The following C6 variants were observed in gnomAD, a reference collection of about 807,000 sequenced individuals.
C6 encodes complement component C6.
A neutral mutation model predicts 112.9 loss-of-function variants in C6; 101 were observed. The ratio of observed to expected loss-of-function variants is 0.89; its 90% confidence interval spans 0.76 to 1.06. C6 has a LOEUF of 1.06. C6 is among the 50% of genes least tolerant of loss of function. C6 has a pLI of 0.00. For missense variants in C6, 1,202 were observed against 1,104.6 expected, an observed-to-expected ratio of 1.09 and a Z score of -1.25; for synonymous variants, 431 against 384.1, an observed-to-expected ratio of 1.12 and a Z score of -1.43.
At chr5:41,173,623 A>G (rs1255531644) in intron 8 of C6, among the ~76,000 whole-genome samples, 1 of 152,142 alleles carries the variant, frequency 6.6e-6, no homozygotes, top group Non-Finnish European at 1.5e-5. Flanking sequence ...AGGTTATCAA[A>G]TACTAGTATT....
rs567719688 is a variant in C6 at position 41,173,785 on chromosome 5, A to G, written c.1169-1438T>C. ...GGGCCTGTCTACCTCATTTTTTGTG[A>G]CAGTTTTGAAGAGATGCATTGTTAT... On this transcript the variant is annotated intron_variant, in intron 8 of 17. Transcript: ENST00000337836. 2.8e-3 allele frequency among the ~76,000 whole-genome samples: 426 copies of G among 152,164 alleles called. 3 individuals are homozygous for G. Among genetic ancestry groups the G allele is most frequent in the African/African-American group, 9.8e-3 (408 of 41,542 alleles).
Position 41,181,610 on chromosome 5 carries a change from G to A in C6, c.727-51C>T, listed in dbSNP as rs562942744. The A allele has an allele frequency of 1.6e-3, 2,278 of 1,388,944 alleles. 53 individuals are homozygous for A. The South Asian group carries it at 0.025, about 16-fold the overall frequency. 86.0% of individuals were successfully genotyped at this position (1,388,944 alleles called of 1,614,324 possible). On this transcript the variant is annotated intron_variant, in intron 6 of 17. Transcript: ENST00000337836. ...AATATAATTTAGGAAATACTGGAGCGACTTGTGGATATCTAATGAAATGAT... is the reference window on the plus strand; with the variant it reads ...AATATAATTTAGGAAATACTGGAGCAACTTGTGGATATCTAATGAAATGAT...
At chr5:41,154,104 T>A (rs1746671759) in intron 14 of C6, 106 bp from the exon 15 acceptor site, 1 of 921,468 alleles carries the variant, frequency 1.1e-6, no homozygotes, top group South Asian at 1.4e-5. Flanking sequence ...ATTTACTGCA[T>A]CTGTTCAGCT....
chr5:41,168,460 C>T (rs1748157403), intron 9 of C6, among the ~76,000 whole-genome samples: 1 of 152,064 alleles, frequency 6.6e-6, no homozygotes, highest in Non-Finnish European at 1.5e-5. Context: ...CAGAAAAATG[C>T]CCAGGAAAGC....
At chr5:41,151,677 G>T (rs528209685) in intron 15 of C6, among the ~76,000 whole-genome samples, 1 of 152,038 alleles carries the variant, frequency 6.6e-6, no homozygotes, top group Non-Finnish European at 1.5e-5. Flanking sequence ...GTGAGGCGAG[G>T]GGACAGATCC....
intron 1 of C6, among the ~76,000 whole-genome samples, chr5:41,229,194 T>C (rs1739718920): frequency 6.6e-6 from 1 of 152,098 alleles, no homozygotes; most frequent in African/African-American, 2.4e-5. Context: ...ATTTCTCCTC[T>C]GATATTTGTT....
intron 1 of C6, among the ~76,000 whole-genome samples, chr5:41,239,757 G>T (rs115448232): frequency 1.3e-5 from 2 of 152,180 alleles, no homozygotes; most frequent in East Asian, 3.9e-4. Context: ...TCACTTCTGG[G>T]TGTTGGACTC....
chr5:41,196,686 G>A (rs1160453720), intron 4 of C6, among the ~76,000 whole-genome samples: 1 of 151,110 alleles, frequency 6.6e-6, no homozygotes, highest in Non-Finnish European at 1.5e-5. Context: ...TATAATTACT[G>A]TATATAATTG....
chr5:41,243,106 AG>A (rs1740827088), intron 1 of C6, among the ~76,000 whole-genome samples: 1 of 152,320 alleles, frequency 6.6e-6, no homozygotes, highest in African/African-American at 2.4e-5. Context: ...AGTGAATAAT[AG>A]GATATTGTAC....
intron 6 of C6, among the ~76,000 whole-genome samples, chr5:41,184,154 T>C (rs1749580791): frequency 6.6e-6 from 1 of 151,502 alleles, no homozygotes; most frequent in South Asian, 2.1e-4. Flanking sequence ...AAAAAAAATC[T>C]ATGTTTCACA....
At chr5:41,253,933 T>A (rs1382506959) in intron 1 of C6, among the ~76,000 whole-genome samples, 1 of 152,218 alleles carries the variant, frequency 6.6e-6, no homozygotes, top group African/African-American at 2.4e-5. Flanking sequence ...ATTTGGGATT[T>A]TATAACATTC....
chr5:41,192,508 G>C (rs1325049375), intron 5 of C6, among the ~76,000 whole-genome samples: 1 of 151,956 alleles, frequency 6.6e-6, no homozygotes, highest in Admixed American at 6.5e-5. Context: ...ATCCAGTCCT[G>C]GGCTTTTCTT....
At chr5:41,159,545 T>TA in intron 11 of C6, 1 of 733,942 alleles carries the variant, frequency 1.4e-6, no homozygotes, top group Non-Finnish European at 1.7e-6. Context: ...GGAGGCCTTT[T>TA]AAAAATGTGC....
intron 2 of C6, among the ~76,000 whole-genome samples, chr5:41,202,727 G>A (rs1397728728): frequency 1.3e-5 from 2 of 152,188 alleles, no homozygotes; most frequent in Non-Finnish European, 2.9e-5. Flanking sequence ...TTGAGGTCCT[G>A]TTAGACTCGA....
chr5:41,256,077 T>C lies in C6; in HGVS notation c.-21+5117A>G, dbSNP rs566219244. On this transcript the variant is annotated intron_variant, in intron 1 of 17. Transcript: ENST00000263413. ...TCTTGCGATAGTTTACTGAGAATGA[T>C]GGTTTCCAGTTTCATCCATGTCCCT... is the stretch of plus-strand genomic sequence containing the variant. 1.6e-4 allele frequency among the ~76,000 whole-genome samples: 25 copies of C among 152,258 alleles called. No individual in the cohort carries two copies. The South Asian group carries it at 1.7e-3, about 10-fold the overall frequency.
chr5:41,186,129 T>G lies in C6; in HGVS notation c.667A>C (p.Ser223Arg). The change falls in exon 6 of 18, where the codon AGC becomes CGC. Residue 223 changes from serine (S) to arginine (R), a missense_variant. By Grantham distance (110) the Ser-to-Arg change is moderately radical (BLOSUM62 -1). Transcript: ENST00000337836. Reference protein sequence around the residue: ...FTGGICKTVKSSRTSNPYRVP... With the variant: ...FTGGICKTVKRSRTSNPYRVP... The stretch of plus-strand genomic sequence containing the variant: ...CGGTATGGATTACTTGTCCTACTGC[T>G]TTTGACAGTTTTACATATTCCTCCA... 1 of 1,614,014 alleles carries G rather than the reference T, an allele frequency of 6.2e-7. No homozygotes were observed. The highest frequency in any genetic ancestry group is 8.5e-7 in the Non-Finnish European group (1 of 1,179,934).
rs1033414954 is a variant in C6 at position 41,159,325 on chromosome 5, T to C, written c.1685-72A>G. ...TTTGGGTTTGGAAGTGAGGCCAACC[T>C]GGTTTCCTCACTTTTTAGCTCAGTA... On this transcript the variant is annotated intron_variant, in intron 11 of 17. Coordinates refer to ENST00000337836, the MANE Select transcript of C6 (RefSeq NM_000065.5). 3 of 1,553,128 alleles carry C rather than the reference T, an allele frequency of 1.9e-6. No individual in the cohort carries two copies. The Admixed American group carries it at 5.6e-5, about 29-fold the overall frequency.
chr5:41,251,212 A>G (rs937060098), intron 1 of C6, among the ~76,000 whole-genome samples: 8 of 152,216 alleles, frequency 5.3e-5, no homozygotes, highest in Non-Finnish European at 8.8e-5. Context: ...AAGTTCTTAA[A>G]TAAATTGACA....
At chr5:41,171,871 C>T (rs1748449664) in intron 9 of C6, among the ~76,000 whole-genome samples, 1 of 152,068 alleles carries the variant, frequency 6.6e-6, no homozygotes, top group Non-Finnish European at 1.5e-5. Context: ...CTCTTAGACC[C>T]TTGTCAGTCT....
Sources: gnomAD v4.1 joint callset for allele counts (sites outside exome capture counted in the v4.1 genomes callset) on GRCh38, gnomAD v4.1.1 for gene constraint, MANE v1.5 for transcripts, NCBI Gene and HGNC (gene_info 2026-07-23, HGNC 2026-07-21) for gene names.